The following EHBP1 variants were observed in gnomAD, a reference collection of about 807,000 sequenced individuals.
EHBP1 encodes EH domain binding protein 1, also known as EH domain-binding protein 1.
Under a neutral mutation model 144.0 loss-of-function variants are expected in EHBP1, and 55 were observed. The ratio of observed to expected loss-of-function variants is 0.38; its 90% CI spans 0.31 to 0.48. The LOEUF is 0.48. Ranked by LOEUF, EHBP1 falls within the 20% of genes least tolerant of loss-of-function variation. EHBP1 has a pLI of 0.98. For synonymous variants in EHBP1, 469 were observed against 472.7 expected (o/e 0.99, Z 0.10); for missense variants, 1,200 against 1,364.2 (o/e 0.88, Z 1.90).
chr2:62,812,716 C>G (rs940857443), intron 5 of EHBP1, among the ~76,000 whole-genome samples: 2 of 152,106 alleles, frequency 1.3e-5, no homozygotes, highest in African/African-American at 4.8e-5. Flanking sequence ...GAGTAATGAA[C>G]TAGGATATCT....
chr2:62,844,935 A>G (rs560955376), intron 7 of EHBP1, among the ~76,000 whole-genome samples: 1 of 152,242 alleles, frequency 6.6e-6, no homozygotes, highest in African/African-American at 2.4e-5. Flanking sequence ...CCAGCAGGGT[A>G]TTCCTTTTTC....
At chr2:63,025,231 A>G (rs919796494) in intron 19 of EHBP1, among the ~76,000 whole-genome samples, 4 of 152,226 alleles carry the variant, frequency 2.6e-5, no homozygotes, top group African/African-American at 9.6e-5. Flanking sequence ...ATGGGAAATG[A>G]AAATGAAGTA....
chr2:62,703,580 T>A (rs1470223810), upstream of EHBP1, among the ~76,000 whole-genome samples: 1 of 152,218 alleles, frequency 6.6e-6, no homozygotes, highest in East Asian at 1.9e-4. Flanking sequence ...TTCACTCATT[T>A]AGTAAACGAT....
chr2:62,871,327 G>A (rs2050463082), intron 9 of EHBP1, among the ~76,000 whole-genome samples: 1 of 152,088 alleles, frequency 6.6e-6, no homozygotes, highest in Non-Finnish European at 1.5e-5. Context: ...TTTCCTTTTG[G>A]CCATTCTTTT....
intron 10 of EHBP1, among the ~76,000 whole-genome samples, chr2:62,897,148 A>G (rs973867947): frequency 6.6e-6 from 1 of 152,314 alleles, no homozygotes; most frequent in South Asian, 2.1e-4. Context: ...TTACACACAT[A>G]CAAGCAAATC....
chr2:63,038,616 T>C, intron 20 of EHBP1, 127 bp from the exon 21 acceptor site: 1 of 720,848 alleles, frequency 1.4e-6, no homozygotes, highest in East Asian at 2.7e-5. Flanking sequence ...TATCATTCAT[T>C]TGGAGTGGCT....
At chr2:62,858,584 T>C in intron 7 of EHBP1, 2 of 966,174 alleles carry the variant, frequency 2.1e-6, no homozygotes, top group Admixed American at 3.7e-5. Context: ...TCTTGACTTC[T>C]GTCTGTATTT....
At position 62,955,547 on chromosome 2, in the gene EHBP1, A is replaced by C; in HGVS notation, c.2347A>C (p.Lys783Gln). 7 of 1,612,510 alleles carry C rather than the reference A, an allele frequency of 4.3e-6. No homozygotes were observed. The highest frequency in any genetic ancestry group is 1.7e-5 in the Admixed American group (1 of 59,868). ...HRLLSRQEEL[K>Q]ERARVLLEQA... ...ATTGTTATCTAGACAAGAAGAACTT[A>C]AGGAAAGAGCAAGAGTTCTGCTTGA... Residue 783 changes from lysine to glutamine, a missense_variant, in exon 14 of 23, where the codon AAG becomes CAG. Lys to Gln is a moderately conservative substitution (Grantham distance 53). Around this residue, in one of 6 missense-constraint regions of EHBP1, gnomAD observed 543 missense variants for 513.1 expected, o/e 1.06. Coordinates refer to ENST00000431489, the MANE Select transcript of EHBP1 (RefSeq NM_001142616.3).
In EHBP1 at chr2:62,864,707, A is replaced by G. The variant is rs1463222580; in HGVS notation, c.758-24A>G. ...ATATCATATGGTATTCATGTGATTTAATTCATCTGCTATTATTTTATAGAA... is the reference window on the plus strand; with the variant it reads ...ATATCATATGGTATTCATGTGATTTGATTCATCTGCTATTATTTTATAGAA... On this transcript the variant is annotated intron_variant, in intron 8 of 22. Transcript: ENST00000431489. The G allele has an allele frequency of 2.5e-6, 4 of 1,587,498 alleles. No homozygotes were observed. In the South Asian group the frequency reaches 4.6e-5, roughly 18 times the overall value.
chr2:62,821,427 G>A (rs1301000200), intron 5 of EHBP1, among the ~76,000 whole-genome samples: 5 of 152,106 alleles, frequency 3.3e-5, no homozygotes, highest in African/African-American at 9.7e-5. Context: ...GGTAGCTCAC[G>A]CCTGTAATCC....
intron 7 of EHBP1, among the ~76,000 whole-genome samples, chr2:62,836,090 C>T (rs1196675708): frequency 1.3e-5 from 2 of 152,144 alleles, no homozygotes; most frequent in Non-Finnish European, 2.9e-5. Flanking sequence ...TTAAATGTCC[C>T]TGTCTGACAG....
chr2:62,950,701 T>C (rs1053009617), intron 13 of EHBP1, among the ~76,000 whole-genome samples: 1 of 152,138 alleles, frequency 6.6e-6, no homozygotes, highest in Admixed American at 6.5e-5. Flanking sequence ...TTCTTTTTTT[T>C]TGAAACAGAG....
At position 63,045,222 on chromosome 2, in the gene EHBP1, C is replaced by T; in HGVS notation, c.3392+42C>T. On this transcript the variant is annotated intron_variant, in intron 22 of 22. Coordinates refer to ENST00000431489, the MANE Select transcript of EHBP1 (RefSeq NM_001142616.3). The surrounding 1 kb of genome is among the most constrained non-coding windows in gnomAD (Gnocchi z 5.7). ...GTCGGGTCGAGGCTGGGCCACCTGC[C>T]GAGGGGCCGAGAAGTGTGCGGAAAG... is the stretch of plus-strand genomic sequence containing the variant. 1 of 1,523,134 alleles carries T rather than the reference C, an allele frequency of 6.6e-7. No individual in the cohort carries two copies. The highest frequency in any genetic ancestry group is 8.9e-7 in the Non-Finnish European group (1 of 1,119,690). The allele number at this position is 1,523,134 out of a possible 1,614,324, so 94.4% of individuals were successfully genotyped here. A position where few individuals can be genotyped will look rare whatever the true frequency, so the allele number is the denominator to read the frequency against.
At chr2:63,028,000 C>T (rs1424896886) in intron 19 of EHBP1, among the ~76,000 whole-genome samples, 2 of 152,002 alleles carry the variant, frequency 1.3e-5, no homozygotes, top group African/African-American at 4.8e-5. Flanking sequence ...TGGGCTCAAG[C>T]GATCCTCCTG....
At chr2:62,762,484 A>T (rs541520351) in intron 3 of EHBP1, among the ~76,000 whole-genome samples, 10 of 152,346 alleles carry the variant, frequency 6.6e-5, no homozygotes, top group African/African-American at 2.2e-4. Flanking sequence ...GGCAACTCAT[A>T]TTTAATGTGT....
Position 62,876,670 on chromosome 2 carries a change from G to A in EHBP1, c.1185+2138G>A, listed in dbSNP as rs143393865. ...TAGGAGACATGGCTAGGGAGGCCTC[G>A]GGAAACTTAAAATCATGGCAGAAGG... On this transcript the variant is annotated intron_variant, in intron 10 of 22. Coordinates refer to ENST00000431489, the MANE Select transcript of EHBP1 (RefSeq NM_001142616.3). Among the ~76,000 whole-genome samples, 480 of 152,214 alleles carry A rather than the reference G, an allele frequency of 3.2e-3. 1 individual carries two copies. Among genetic ancestry groups the A allele is most frequent in the African/African-American group, 0.011 (448 of 41,530 alleles).
intron 10 of EHBP1, among the ~76,000 whole-genome samples, chr2:62,903,665 C>T (rs1282459021): frequency 6.6e-6 from 1 of 152,022 alleles, no homozygotes; most frequent in African/African-American, 2.4e-5. Context: ...TCTTGGGAGG[C>T]TGAGGCTAGA....
chr2:62,733,842 C>G (rs1447933337), intron 2 of EHBP1, among the ~76,000 whole-genome samples: 1 of 152,172 alleles, frequency 6.6e-6, no homozygotes, highest in African/African-American at 2.4e-5. Flanking sequence ...CATCCAACCT[C>G]TAGTAATTGG....
chr2:62,799,955 A>G (rs911956987), intron 5 of EHBP1, among the ~76,000 whole-genome samples: 1 of 152,218 alleles, frequency 6.6e-6, no homozygotes, highest in African/African-American at 2.4e-5. Context: ...GTCACATTCA[A>G]AGTATATTGA....
Sources: gnomAD v4.1 joint callset for allele counts (sites outside exome capture counted in the v4.1 genomes callset) on GRCh38, gnomAD v4.1.1 for gene constraint, gnomAD v4.1.1 regional missense constraint, Gnocchi (gnomAD v3.1) non-coding constraint, MANE v1.5 for transcripts, NCBI Gene and HGNC (gene_info 2026-07-23, HGNC 2026-07-21) for gene names.